TTC28: variants seen among roughly 807,000 people sequenced by gnomAD.
The protein encoded by TTC28 is tetratricopeptide repeat domain 28.
A neutral mutation model predicts 198.0 loss-of-function variants in TTC28; 61 were observed. That is an observed-to-expected ratio of 0.31 (90% CI 0.25 to 0.38). The LOEUF is 0.38. TTC28 is among the 10% of genes least tolerant of loss of function. The pLI, the probability that TTC28 is intolerant of heterozygous loss-of-function variation, is 1.00. For missense variants in TTC28, 2,678 were observed against 3,164.0 expected (o/e 0.85, Z 3.69); for synonymous variants, 1,171 against 1,297.8 (o/e 0.90, Z 2.10).
rs116532571 is a variant in TTC28, at chr22:28,543,033, C to A, written c.381+86519G>T. Among the ~76,000 whole-genome samples, 332 of 152,176 alleles carry A rather than the reference C, an allele frequency of 2.2e-3. 2 individuals are homozygous for A. Among genetic ancestry groups the A allele is most frequent in the African/African-American group, 7.8e-3 (323 of 41,534 alleles). ...CTAGCCAAAAATATTTTTTAAAAAACTAATTCAAGGACAAATAGAGGCCAG... is the reference window on the plus strand; with the variant it reads ...CTAGCCAAAAATATTTTTTAAAAAAATAATTCAAGGACAAATAGAGGCCAG... On this transcript the variant is annotated intron_variant, in intron 2 of 22. Transcript: ENST00000397906.
intron 2 of TTC28, among the ~76,000 whole-genome samples, chr22:28,417,992 T>C (rs922444420): frequency 5.9e-5 from 9 of 152,244 alleles, no homozygotes; most frequent in African/African-American, 1.9e-4. Context: ...TTTTACCTTT[T>C]GTCTGACTGT....
At chr22:28,165,842 T>C (rs1173101579) in intron 5 of TTC28, among the ~76,000 whole-genome samples, 1 of 152,180 alleles carries the variant, frequency 6.6e-6, no homozygotes, top group Non-Finnish European at 1.5e-5. Context: ...GAACCTTAAA[T>C]GTAAATGGGC....
chr22:28,010,599 G>A (rs571997692), intron 14 of TTC28, among the ~76,000 whole-genome samples: 1 of 152,172 alleles, frequency 6.6e-6, no homozygotes, highest in Non-Finnish European at 1.5e-5. Context: ...GCTCAGCGTG[G>A]ACACCTCGGC....
chr22:28,383,697 G>T (rs73439808), intron 2 of TTC28, among the ~76,000 whole-genome samples: 1 of 152,052 alleles, frequency 6.6e-6, no homozygotes, highest in Non-Finnish European at 1.5e-5. Context: ...TATCTAGAAC[G>T]CACCTTTTCA....
At chr22:28,397,882 G>A (rs954092815) in intron 2 of TTC28, among the ~76,000 whole-genome samples, 5 of 152,174 alleles carry the variant, frequency 3.3e-5, no homozygotes, top group African/African-American at 4.8e-5. Flanking sequence ...ACACTCCAGA[G>A]GGCTTTGAGT....
chr22:28,531,165 G>A (rs2054821776), intron 2 of TTC28, among the ~76,000 whole-genome samples: 1 of 152,088 alleles, frequency 6.6e-6, no homozygotes, highest in East Asian at 1.9e-4. Flanking sequence ...AGGAGACCCA[G>A]CTCACCTGCA....
intron 19 of TTC28, among the ~76,000 whole-genome samples, chr22:27,992,207 CTA>C (rs1487913727): frequency 6.6e-6 from 1 of 152,188 alleles, no homozygotes; most frequent in Admixed American, 6.5e-5. Flanking sequence ...TATGAGAACA[CTA>C]TGCAAACCTG....
intron 1 of TTC28, among the ~76,000 whole-genome samples, chr22:28,651,553 C>A (rs928034070): frequency 6.6e-6 from 1 of 151,198 alleles, no homozygotes; most frequent in Non-Finnish European, 1.5e-5. Flanking sequence ...GTAACTGGGA[C>A]CACAGGTGTA....
intron 5 of TTC28, among the ~76,000 whole-genome samples, chr22:28,196,198 A>G (rs1047123418): frequency 1.4e-4 from 21 of 152,252 alleles, no homozygotes; most frequent in African/African-American, 3.8e-4. Context: ...AGGATTCCCT[A>G]TTTAATAAAT....
intron 2 of TTC28, among the ~76,000 whole-genome samples, chr22:28,567,475 C>CATACATATATATAT (rs1569029930): frequency 1.5e-4 from 2 of 13,776 alleles, no homozygotes; most frequent in Non-Finnish European, 2.4e-4. Flanking sequence ...CATATACATA[C>CATACATATATATAT]ATACATATAT....
At chr22:28,168,165 C>T (rs545719001) in intron 5 of TTC28, among the ~76,000 whole-genome samples, 9 of 152,166 alleles carry the variant, frequency 5.9e-5, no homozygotes, top group African/African-American at 2.2e-4. Flanking sequence ...CTCAATGAAA[C>T]AAAAGAGGGC....
chr22:28,566,800 T>C (rs2049976249), intron 2 of TTC28, among the ~76,000 whole-genome samples: 2 of 152,256 alleles, frequency 1.3e-5, no homozygotes, highest in East Asian at 1.9e-4. Context: ...ACAGAAAATA[T>C]TGGCCAGGTG....
chr22:28,496,794 T>C (rs936203957), intron 2 of TTC28, among the ~76,000 whole-genome samples: 3 of 152,118 alleles, frequency 2.0e-5, no homozygotes, highest in African/African-American at 7.2e-5. Flanking sequence ...AGACTTCTCA[T>C]CTAGCTCCAA....
At chr22:28,514,010 T>A (rs1045860429) in intron 2 of TTC28, among the ~76,000 whole-genome samples, 1 of 152,316 alleles carries the variant, frequency 6.6e-6, no homozygotes, top group South Asian at 2.1e-4. Context: ...AGATTTAAGA[T>A]AGCATCTATT....
At chr22:28,585,468 G>A (rs2050300248) in intron 2 of TTC28, among the ~76,000 whole-genome samples, 1 of 152,186 alleles carries the variant, frequency 6.6e-6, no homozygotes, top group Non-Finnish European at 1.5e-5. Context: ...TGATCTGACA[G>A]GAGGCAGAGC....
intron 2 of TTC28, among the ~76,000 whole-genome samples, chr22:28,406,183 C>T (rs750588278): frequency 5.3e-5 from 8 of 152,184 alleles, no homozygotes; most frequent in Non-Finnish European, 1.2e-4. Flanking sequence ...AAGGAAAAAA[C>T]ACAAAGATTT....
intron 2 of TTC28, among the ~76,000 whole-genome samples, chr22:28,358,191 C>T (rs187700728): frequency 1.3e-5 from 2 of 152,138 alleles, no homozygotes; most frequent in Admixed American, 6.5e-5. Flanking sequence ...ATTTTTTGGT[C>T]GAACTAATAT....
At chr22:28,184,261 A>C (rs1486039390) in intron 5 of TTC28, among the ~76,000 whole-genome samples, 1 of 152,242 alleles carries the variant, frequency 6.6e-6, no homozygotes, top group Non-Finnish European at 1.5e-5. Context: ...AACTGAGTAC[A>C]TTAAGCAATT....
In TTC28 at chr22:27,985,261, G is replaced by T. The variant is rs1601479966; in HGVS notation, c.5803C>A (p.Leu1935Met). 1 of 1,551,258 alleles carries T rather than the reference G, an allele frequency of 6.4e-7. No individual in the cohort carries two copies. Among genetic ancestry groups the T allele is most frequent in the Non-Finnish European group, 8.7e-7 (1 of 1,146,704 alleles). The change falls in exon 22 of 23, where the codon CTG (leucine) becomes ATG (methionine). Residue 1935 changes from leucine to methionine, a missense_variant. By Grantham distance (15) the Leu-to-Met change is conservative (BLOSUM62 2). This residue lies in a region of TTC28 where 314 missense variants were observed against 442.7 expected (regional missense o/e 0.71). Coordinates refer to ENST00000397906, the MANE Select transcript of TTC28 (RefSeq NM_001145418.2). Reference sequence around the variant, plus strand: ...GGCAGGCTCTTACCAAACAGAGACAGCAGGGACTGGAGCGCGAAGTGCACA... The same window carrying T: ...GGCAGGCTCTTACCAAACAGAGACATCAGGGACTGGAGCGCGAAGTGCACA... The part of the protein sequence containing the change: ...RTVHFALQSL[L>M]SLFDSTELPK...
Sources: allele counts gnomAD v4.1 joint callset (sites outside exome capture counted in the v4.1 genomes callset), GRCh38; gene constraint gnomAD v4.1.1; regional missense constraint gnomAD v4.1.1; transcripts MANE v1.5; gene names NCBI Gene and HGNC (gene_info 2026-07-23, HGNC 2026-07-21).